NRF1: variants seen among roughly 807,000 people sequenced by gnomAD.
NRF1 encodes alpha palindromic-binding protein.
NRF1 carries 5 observed loss-of-function variants against 58.5 expected under a neutral mutation model. The observed-to-expected ratio is 0.09, with a 90% CI of 0.04 to 0.18. The LOEUF is 0.18. Ranked by LOEUF, NRF1 falls within the 10% of genes least tolerant of loss-of-function variation. NRF1 has a pLI of 1.00. For missense variants in NRF1, 288 were observed against 657.7 expected (o/e 0.44, Z 6.15); for synonymous variants, 224 against 246.7 (o/e 0.91, Z 0.86).
chr7:129,709,382 C>A lies in NRF1; in HGVS notation c.765+149C>A, dbSNP rs539104987. 5.4e-4 allele frequency: 296 copies of A among 551,340 alleles called. 1 individual carries two copies. The African/African-American group carries it at 5.4e-3, about 10-fold the overall frequency. 34.2% of individuals were successfully genotyped at this position (551,340 alleles called of 1,614,324 possible). A position where few individuals can be genotyped will look rare whatever the true frequency, so the allele number is the denominator to read the frequency against. On this transcript the variant is annotated intron_variant, in intron 6 of 10. Coordinates refer to ENST00000393232, the MANE Select transcript of NRF1 (RefSeq NM_005011.5). Reference sequence around the variant, plus strand: ...AAGACTGATATTCTTTGATTTATAGCCTTTTCCATTTGTCGCTCCATCACT... The same window carrying A: ...AAGACTGATATTCTTTGATTTATAGACTTTTCCATTTGTCGCTCCATCACT...
intron 1 of NRF1, among the ~76,000 whole-genome samples, chr7:129,656,799 A>T (rs988883978): frequency 6.6e-6 from 1 of 152,000 alleles, no homozygotes; most frequent in Non-Finnish European, 1.5e-5. Context: ...CTGGTCTCGA[A>T]CTCCTGACCT....
intron 1 of NRF1, among the ~76,000 whole-genome samples, chr7:129,615,565 A>G (rs1446471071): frequency 6.6e-6 from 1 of 152,228 alleles, no homozygotes; most frequent in Non-Finnish European, 1.5e-5. Flanking sequence ...GTTTTCCTTG[A>G]TAGCTAAAGC....
At chr7:129,680,270 A>C (rs565423928) in intron 4 of NRF1, among the ~76,000 whole-genome samples, 48 of 152,278 alleles carry the variant, frequency 3.2e-4, no homozygotes, top group African/African-American at 1.0e-3. Context: ...TCATTAGGGA[A>C]ATGAAAATAA....
chr7:129,677,532 A>G lies in NRF1; in HGVS notation c.339-100A>G, dbSNP rs1263488236. The G allele has an allele frequency of 6.7e-6, 7 of 1,050,070 alleles. No homozygotes were observed. The Admixed American group carries it at 1.3e-4, about 20-fold the overall frequency. The allele number at this position is 1,050,070 out of a possible 1,614,324, so 65.0% of individuals were successfully genotyped here. A position where few individuals can be genotyped will look rare whatever the true frequency, so the allele number is the denominator to read the frequency against. ...CTTTTCACATTTTACGTAAAAGAGC[A>G]TATCTGATCAGAATAAACTGTCTTA... On this transcript the variant is annotated intron_variant, in intron 3 of 10. Transcript: ENST00000393232.
chr7:129,642,589 A>G (rs1801315071), intron 1 of NRF1, among the ~76,000 whole-genome samples: 1 of 152,136 alleles, frequency 6.6e-6, no homozygotes, highest in Admixed American at 6.6e-5. Context: ...AACCAACTGT[A>G]TAAGAAACTA....
chr7:129,735,320 A>G (rs1803681722), intron 10 of NRF1: 1 of 738,600 alleles, frequency 1.4e-6, no homozygotes, highest in South Asian at 6.1e-5. Context: ...TCACAAGGTC[A>G]GGAGTTCGAG....
rs140468605 is a variant in NRF1, at chr7:129,752,254, A to G, written c.1349-2764A>G. Among the ~76,000 whole-genome samples the G allele has an allele frequency of 5.0e-3, 767 of 152,228 alleles. 8 individuals carry two copies. The highest frequency in any genetic ancestry group is 0.017 in the African/African-American group (721 of 41,528). On this transcript the variant is annotated intron_variant, in intron 10 of 10. Transcript: ENST00000393232. ...GATGGGGCAGGTTCCACAAGGAGGGAAAGCTCACCCCAGTGTAAAAGGAAG... is the reference window on the plus strand; with the variant it reads ...GATGGGGCAGGTTCCACAAGGAGGGGAAGCTCACCCCAGTGTAAAAGGAAG...
intron 4 of NRF1, among the ~76,000 whole-genome samples, chr7:129,689,738 C>T (rs927474473): frequency 3.9e-5 from 6 of 152,184 alleles, no homozygotes; most frequent in African/African-American, 9.7e-5. Context: ...GAGCTAAAGG[C>T]GTCATGGGTT....
intron 10 of NRF1, among the ~76,000 whole-genome samples, chr7:129,742,562 G>T (rs1443606744): frequency 6.6e-6 from 1 of 152,208 alleles, no homozygotes; most frequent in Non-Finnish European, 1.5e-5. Flanking sequence ...AGGGGCTGGA[G>T]GGTGTTAAAA....
At chr7:129,714,563 G>A (rs1408242701) in intron 8 of NRF1, among the ~76,000 whole-genome samples, 1 of 152,158 alleles carries the variant, frequency 6.6e-6, no homozygotes, top group African/African-American at 2.4e-5. Context: ...GTTCATTGGA[G>A]CAATGAGATC....
intron 1 of NRF1, among the ~76,000 whole-genome samples, chr7:129,654,439 C>G (rs1801606621): frequency 6.6e-6 from 1 of 152,122 alleles, no homozygotes; most frequent in Non-Finnish European, 1.5e-5. Flanking sequence ...CAGTGTCTTT[C>G]ACAGGGCAGA....
intron 1 of NRF1, among the ~76,000 whole-genome samples, chr7:129,641,259 T>C (rs1238214107): frequency 5.9e-5 from 9 of 152,248 alleles, no homozygotes. Flanking sequence ...CCCCTGTCAT[T>C]ATTTGATATT....
intron 1 of NRF1, among the ~76,000 whole-genome samples, chr7:129,634,331 C>T (rs1801124599): frequency 6.6e-6 from 1 of 152,054 alleles, no homozygotes; most frequent in Non-Finnish European, 1.5e-5. Flanking sequence ...ATCCAGAAGT[C>T]TCCTGGTGCT....
intron 5 of NRF1, among the ~76,000 whole-genome samples, chr7:129,698,515 C>A (rs1802749850): frequency 1.3e-5 from 2 of 152,052 alleles, no homozygotes; most frequent in African/African-American, 4.8e-5. Flanking sequence ...CAAAAGGGAT[C>A]CTTAGTTTGG....
intron 1 of NRF1, among the ~76,000 whole-genome samples, chr7:129,651,437 G>T (rs1272467570): frequency 2.3e-5 from 3 of 132,950 alleles, no homozygotes; most frequent in Non-Finnish European, 5.1e-5. Context: ...AAAAAAAAAT[G>T]GTTAGAGAGG....
At chr7:129,715,271 C>A (rs1803161394) in intron 8 of NRF1, among the ~76,000 whole-genome samples, 1 of 152,132 alleles carries the variant, frequency 6.6e-6, no homozygotes, top group African/African-American at 2.4e-5. Flanking sequence ...CGGGTACAAG[C>A]CGGGATGCTG....
At chr7:129,639,931 A>G (rs1801252692) in intron 1 of NRF1, among the ~76,000 whole-genome samples, 1 of 152,214 alleles carries the variant, frequency 6.6e-6, no homozygotes, top group South Asian at 2.1e-4. Flanking sequence ...ACAATTTAAT[A>G]TAGGTGAAGA....
At chr7:129,653,841 A>G (rs1191344709) in intron 1 of NRF1, among the ~76,000 whole-genome samples, 2 of 152,194 alleles carry the variant, frequency 1.3e-5, no homozygotes, top group Non-Finnish European at 2.9e-5. Context: ...ATGATATTCT[A>G]TTGTCTGGAT....
At position 129,711,566 on chromosome 7, in the gene NRF1, C is replaced by G. The variant is rs139790435; in HGVS notation, c.1055C>G (p.Ala352Gly). 75 of 1,609,872 alleles carry G rather than the reference C, an allele frequency of 4.7e-5. No homozygotes were observed. The highest frequency in any genetic ancestry group is 5.8e-5 in the Non-Finnish European group (68 of 1,177,728). Residue 352 changes from alanine to glycine, a missense_variant, in exon 8 of 11, where the codon GCT becomes GGT. By Grantham distance (60) the Ala-to-Gly change is moderately conservative. This residue lies in a region of NRF1 where 212 missense variants were observed against 559.7 expected (regional missense o/e 0.38). Coordinates refer to ENST00000393232, the MANE Select transcript of NRF1 (RefSeq NM_005011.5). ...GCCCAAGTGAATTATTCTGCCGTGG[C>G]TGATGGAGAGGTAAGAAAGAGATTC... Reference protein sequence around the residue: ...TVAQVNYSAVADGEVEQNWAT... With the variant: ...TVAQVNYSAVGDGEVEQNWAT...
Sources: allele counts gnomAD v4.1 joint callset (sites outside exome capture counted in the v4.1 genomes callset), GRCh38; gene constraint gnomAD v4.1.1; regional missense constraint gnomAD v4.1.1; transcripts MANE v1.5; gene names NCBI Gene and HGNC (gene_info 2026-07-23, HGNC 2026-07-21).